Variants in SUSD6 observed in about 807,000 individuals in gnomAD.
The protein encoded by SUSD6 is sushi domain containing 6.
A neutral mutation model predicts 28.4 loss-of-function variants in SUSD6; 16 were observed. The ratio of observed to expected loss-of-function variants is 0.56; its 90% CI spans 0.38 to 0.86. The LOEUF is 0.86. Among genes scored for constraint, SUSD6 ranks in the 40% least tolerant of loss-of-function variants. SUSD6 has a pLI of 0.00. For synonymous variants in SUSD6, 147 were observed against 159.6 expected (o/e 0.92, Z 0.59); for missense variants, 341 against 384.2 (o/e 0.89, Z 0.94).
intron 2 of SUSD6, among the ~76,000 whole-genome samples, chr14:69,699,821 C>T (rs189924719): frequency 1.8e-4 from 28 of 151,960 alleles, no homozygotes; most frequent in African/African-American, 6.8e-4. Context: ...GCTCTCTGCA[C>T]AGAGAGGGGT....
At chr14:69,669,713 C>T (rs1412946704) in intron 2 of SUSD6, among the ~76,000 whole-genome samples, 1 of 152,218 alleles carries the variant, frequency 6.6e-6, no homozygotes, top group South Asian at 2.1e-4. Context: ...TTCTCTTTAT[C>T]CTTCAAAGTC....
intron 2 of SUSD6, among the ~76,000 whole-genome samples, chr14:69,673,487 G>A (rs913016916): frequency 6.6e-6 from 1 of 152,190 alleles, no homozygotes; most frequent in Non-Finnish European, 1.5e-5. Flanking sequence ...AGAGTGGGTG[G>A]AGAAATCTTG....
In SUSD6 at chr14:69,712,136, T is replaced by C. The variant is rs1441211672; in HGVS notation, c.*1157T>C. The C allele has an allele frequency of 6.6e-6, 1 of 152,412 alleles. No homozygotes were observed. Among genetic ancestry groups the C allele is most frequent in the African/African-American group, 2.4e-5 (1 of 41,472 alleles). The allele number at this position is 152,412 out of a possible 1,614,324, so 9.4% of individuals were successfully genotyped here. ...TGCCTTAGTAACTGTGCCCAGGAAG[T>C]GGCCTGCTGCTTGCTGTGCTGCTGC... On this transcript the variant is annotated 3_prime_UTR_variant, in exon 6 of 6. Transcript: ENST00000342745.
At chr14:69,637,747 A>G (rs1885286176) in intron 1 of SUSD6, among the ~76,000 whole-genome samples, 5 of 152,100 alleles carry the variant, frequency 3.3e-5, no homozygotes, top group Admixed American at 3.3e-4. Context: ...GCACGTGCAG[A>G]TTGCTGTCCT....
chr14:69,670,082 G>A (rs1345684226), intron 2 of SUSD6, among the ~76,000 whole-genome samples: 1 of 152,210 alleles, frequency 6.6e-6, no homozygotes, highest in African/African-American at 2.4e-5. Flanking sequence ...GGGGCAGATT[G>A]GGTTTTGTAT....
At chr14:69,686,182 A>C (rs1217561904) in intron 2 of SUSD6, among the ~76,000 whole-genome samples, 1 of 152,236 alleles carries the variant, frequency 6.6e-6, no homozygotes, top group African/African-American at 2.4e-5. Context: ...CATTGACTTA[A>C]GTCAACAGCC....
chr14:69,642,185 G>A (rs1336636092), intron 1 of SUSD6, among the ~76,000 whole-genome samples: 3 of 152,098 alleles, frequency 2.0e-5, no homozygotes, highest in Non-Finnish European at 4.4e-5. Context: ...ATACTTTTGG[G>A]CTTTGTTCTC....
intron 1 of SUSD6, among the ~76,000 whole-genome samples, chr14:69,650,001 A>G (rs1236639698): frequency 6.6e-6 from 1 of 152,198 alleles, no homozygotes; most frequent in Non-Finnish European, 1.5e-5. Flanking sequence ...GCCAGAAACT[A>G]ATATTATTTT....
intron 4 of SUSD6, among the ~76,000 whole-genome samples, chr14:69,707,715 G>A (rs1055103136): frequency 6.6e-6 from 1 of 152,030 alleles, no homozygotes; most frequent in Non-Finnish European, 1.5e-5. Flanking sequence ...CCACTGCACT[G>A]CAGCCTGGGC....
chr14:69,651,524 T>C (rs567613990), intron 1 of SUSD6, among the ~76,000 whole-genome samples: 39 of 152,174 alleles, frequency 2.6e-4, no homozygotes, highest in African/African-American at 9.4e-4. Flanking sequence ...TTAAAGGAAA[T>C]GGATAAGTTA....
chr14:69,638,423 A>AGT (rs10637124), intron 1 of SUSD6, among the ~76,000 whole-genome samples: 22,825 of 138,848 alleles, frequency 0.16, 1,883 homozygotes, highest in East Asian at 0.19. Flanking sequence ...TGGGGTGGGG[A>AGT]GTGTGTGTGT....
chr14:69,644,673 C>T (rs1885401763), intron 1 of SUSD6, among the ~76,000 whole-genome samples: 1 of 152,050 alleles, frequency 6.6e-6, no homozygotes, highest in South Asian at 2.1e-4. Context: ...TTTCTCAGGA[C>T]GTGTCCTCAT....
chr14:69,618,818 G>A (rs538802141), intron 1 of SUSD6, among the ~76,000 whole-genome samples: 121 of 152,282 alleles, frequency 7.9e-4, no homozygotes, highest in African/African-American at 2.9e-3. Context: ...GTTTCCAAAG[G>A]TTGAGTGAAG....
chr14:69,676,931 G>A (rs1307955895), intron 2 of SUSD6, among the ~76,000 whole-genome samples: 1 of 152,244 alleles, frequency 6.6e-6, no homozygotes. Flanking sequence ...TTATTATGGT[G>A]AAGGTGGTGA....
At chr14:69,622,376 C>T (rs1885053786) in intron 1 of SUSD6, among the ~76,000 whole-genome samples, 1 of 152,082 alleles carries the variant, frequency 6.6e-6, no homozygotes, top group South Asian at 2.1e-4. Flanking sequence ...CCATGTTGCC[C>T]AGGCCGGTCT....
chr14:69,661,918 G>T (rs1443516639), intron 2 of SUSD6, among the ~76,000 whole-genome samples: 1 of 152,048 alleles, frequency 6.6e-6, no homozygotes, highest in Non-Finnish European at 1.5e-5. Flanking sequence ...TCCCATCTCA[G>T]CCTCCTGAGT....
At chr14:69,701,830 G>C (rs1365833133) in intron 2 of SUSD6, among the ~76,000 whole-genome samples, 1 of 151,862 alleles carries the variant, frequency 6.6e-6, no homozygotes, top group African/African-American at 2.4e-5. Flanking sequence ...TTTTTTAGTG[G>C]CATCACCTAA....
intron 1 of SUSD6, among the ~76,000 whole-genome samples, chr14:69,614,304 T>G (rs1425071382): frequency 2.0e-5 from 3 of 152,188 alleles, no homozygotes; most frequent in African/African-American, 7.2e-5. Context: ...TGACCTCAGG[T>G]GATCTGCCCG....
At chr14:69,682,921 G>A (rs1424243851) in intron 2 of SUSD6, among the ~76,000 whole-genome samples, 4 of 151,112 alleles carry the variant, frequency 2.6e-5, no homozygotes, top group Non-Finnish European at 5.9e-5. Context: ...GCCCTGGCAG[G>A]GAAGCTGTTC....
Sources: allele counts gnomAD v4.1 joint callset (sites outside exome capture counted in the v4.1 genomes callset), GRCh38; gene constraint gnomAD v4.1.1; transcripts MANE v1.5; gene names NCBI Gene and HGNC (gene_info 2026-07-23, HGNC 2026-07-21).